The following RAB27B variants were observed in gnomAD, a reference collection of about 807,000 sequenced individuals.
The protein encoded by RAB27B is RAB27B, member RAS oncogene family.
RAB27B carries 15 observed loss-of-function variants against 24.6 expected under a neutral mutation model. The observed-to-expected ratio is 0.61, with a 90% confidence interval of 0.41 to 0.94. The LOEUF (loss-of-function observed/expected upper bound fraction) is 0.94. Ranked by LOEUF, RAB27B falls within the 40% of genes least tolerant of loss-of-function variation. RAB27B has a pLI of 0.00. For synonymous variants in RAB27B, 105 were observed against 92.5 expected (o/e 1.14, Z -0.78); for missense variants, 261 against 266.8 (o/e 0.98, Z 0.15).
intron 1 of RAB27B, among the ~76,000 whole-genome samples, chr18:54,837,508 C>T (rs945837051): frequency 1.3e-5 from 2 of 151,890 alleles, no homozygotes; most frequent in Admixed American, 6.6e-5. Flanking sequence ...CAATTGCATA[C>T]GTTCAAGAAA....
At chr18:54,753,926 A>G (rs1310151448) in intron 2 of RAB27B, among the ~76,000 whole-genome samples, 2 of 152,200 alleles carry the variant, frequency 1.3e-5, no homozygotes, top group Non-Finnish European at 2.9e-5. Flanking sequence ...CTGTTTATGG[A>G]TTCTCTATCT....
chr18:54,852,719 G>C (rs1342543085), intron 1 of RAB27B, among the ~76,000 whole-genome samples: 2 of 152,146 alleles, frequency 1.3e-5, no homozygotes, highest in African/African-American at 4.8e-5. Flanking sequence ...TGATTTCAGG[G>C]GAAAGGAAGT....
intron 1 of RAB27B, among the ~76,000 whole-genome samples, chr18:54,834,634 A>G (rs539795848): frequency 2.2e-4 from 33 of 151,938 alleles, no homozygotes; most frequent in Non-Finnish European, 3.7e-4. Context: ...AGATCTACCT[A>G]AGATTATCTT....
At chr18:54,819,946 G>A (rs971756547) in intron 2 of RAB27B, among the ~76,000 whole-genome samples, 5 of 152,134 alleles carry the variant, frequency 3.3e-5, no homozygotes, top group African/African-American at 1.2e-4. Flanking sequence ...CAAAGGATAT[G>A]AACTCATCAT....
Position 54,729,056 on chromosome 18 carries a change from A to C in RAB27B, c.-20+10915A>C, listed in dbSNP as rs371690777. Among the ~76,000 whole-genome samples, 61 of 152,062 alleles carry C rather than the reference A, an allele frequency of 4.0e-4. 1 individual carries two copies. In the East Asian group the frequency reaches 0.012, roughly 29 times the overall value. On this transcript the variant is annotated intron_variant, in intron 2 of 4. Coordinates refer to the RAB27B transcript ENST00000586570. ...TTCATTATAACATATAAAACTATTAAAAACAAAAAGCATAACATTGCCTGA... is the reference window on the plus strand; with the variant it reads ...TTCATTATAACATATAAAACTATTACAAACAAAAAGCATAACATTGCCTGA...
chr18:54,885,153 A>G (rs1913080479), intron 4 of RAB27B, among the ~76,000 whole-genome samples: 1 of 152,198 alleles, frequency 6.6e-6, no homozygotes. Context: ...AATAAAGGGC[A>G]TATTTCATTT....
intron 2 of RAB27B, among the ~76,000 whole-genome samples, chr18:54,755,901 C>A (rs984726838): frequency 5.9e-5 from 9 of 152,074 alleles, no homozygotes; most frequent in African/African-American, 2.2e-4. Context: ...AAAGCAAATA[C>A]CAGCGCCACC....
chr18:54,836,096 G>T (rs1225523539), intron 1 of RAB27B, among the ~76,000 whole-genome samples: 1 of 151,966 alleles, frequency 6.6e-6, no homozygotes, highest in African/African-American at 2.4e-5. Context: ...ACACCAACCT[G>T]CAGGCTTTGT....
At chr18:54,879,314 T>C in intron 2 of RAB27B, 55 bp from the exon 3 acceptor site, 2 of 1,359,958 alleles carry the variant, frequency 1.5e-6, no homozygotes, top group South Asian at 1.2e-5. Flanking sequence ...CCCAAAGAAT[T>C]TGAGTGCTGA....
At chr18:54,863,911 A>G (rs1435608631) in intron 1 of RAB27B, among the ~76,000 whole-genome samples, 4 of 152,204 alleles carry the variant, frequency 2.6e-5, no homozygotes. Context: ...TTACACATTC[A>G]GTGGATGGAC....
At chr18:54,860,799 C>G (rs1175586976) in intron 1 of RAB27B, among the ~76,000 whole-genome samples, 3 of 152,178 alleles carry the variant, frequency 2.0e-5, no homozygotes, top group African/African-American at 7.2e-5. Flanking sequence ...GTAGAAAGAG[C>G]CTGGTGAAAC....
In RAB27B at chr18:54,888,054, G is replaced by A; in HGVS notation, c.403G>A (p.Ala135Thr). The change falls in exon 5 of 6, where the codon GCA becomes ACA. Residue 135 changes from alanine (A) to threonine (T), a missense_variant. Coordinates refer to ENST00000262094, the MANE Select transcript of RAB27B (RefSeq NM_004163.4). The stretch of plus-strand genomic sequence containing the variant: ...AGATATAGTATTAATTGGCAACAAG[G>A]CAGACCTACCAGATCAGAGGGAAGT... ...NPDIVLIGNK[A>T]DLPDQREVNE... 1 of 1,613,222 alleles carries A rather than the reference G, an allele frequency of 6.2e-7. No homozygotes were observed. The highest frequency in any genetic ancestry group is 8.5e-7 in the Non-Finnish European group (1 of 1,179,398).
chr18:54,870,865 G>A (rs1008439516), intron 1 of RAB27B, among the ~76,000 whole-genome samples: 1 of 152,098 alleles, frequency 6.6e-6, no homozygotes, highest in Non-Finnish European at 1.5e-5. Flanking sequence ...AATCTGGTAG[G>A]TGGAGAGTTA....
intron 1 of RAB27B, among the ~76,000 whole-genome samples, chr18:54,852,945 T>G (rs111432062): frequency 0.013 from 1,991 of 152,318 alleles, 49 homozygotes; most frequent in African/African-American, 0.046. Flanking sequence ...TTCTAGTTTC[T>G]GCAGCGGAGA....
upstream of RAB27B, among the ~76,000 whole-genome samples, chr18:54,823,816 T>G (rs1453873978): frequency 6.6e-6 from 1 of 152,214 alleles, no homozygotes; most frequent in Non-Finnish European, 1.5e-5. Context: ...TGTTTCCTTA[T>G]GTGTATTTTA....
chr18:54,829,447 G>C (rs1910590815), intron 1 of RAB27B, among the ~76,000 whole-genome samples: 1 of 152,164 alleles, frequency 6.6e-6, no homozygotes, highest in South Asian at 2.1e-4. Flanking sequence ...TTTATGTCAA[G>C]ATGTAAAGCT....
intron 2 of RAB27B, among the ~76,000 whole-genome samples, chr18:54,820,907 GT>G (rs902247512): frequency 8.0e-4 from 121 of 152,176 alleles, no homozygotes; most frequent in African/African-American, 2.8e-3. Context: ...TGTCAGGTTT[GT>G]CAAAGATCAG....
chr18:54,845,258 T>C (rs1911283923), intron 1 of RAB27B, among the ~76,000 whole-genome samples: 1 of 151,736 alleles, frequency 6.6e-6, no homozygotes, highest in Non-Finnish European at 1.5e-5. Flanking sequence ...AATACAAAAA[T>C]TACCCCGGTG....
At chr18:54,870,509 GT>G (rs766930420) in intron 1 of RAB27B, among the ~76,000 whole-genome samples, 20 of 152,138 alleles carry the variant, frequency 1.3e-4, no homozygotes, top group Non-Finnish European at 2.2e-4. Context: ...GTATTGGCCA[GT>G]GAAAGTGGAT....
Sources: gnomAD v4.1 joint callset for allele counts (sites outside exome capture counted in the v4.1 genomes callset) on GRCh38, gnomAD v4.1.1 for gene constraint, MANE v1.5 for transcripts, NCBI Gene and HGNC (gene_info 2026-07-23, HGNC 2026-07-21) for gene names.